ZNF718: variants seen among roughly 807,000 people sequenced by gnomAD.
ZNF718 encodes the protein zinc finger protein 718.
ZNF718 carries 3 observed loss-of-function variants against 2.6 expected under a neutral mutation model. The observed-to-expected ratio is 1.16, with a 90% confidence interval of 0.53 to 3.01. The LOEUF (loss-of-function observed/expected upper bound fraction) is 3.01, where lower values mean the gene tolerates loss of function less well. Ranked by LOEUF, ZNF718 falls within the 30% of genes most tolerant of loss-of-function variation. The probability of loss-of-function intolerance (pLI) is 0.03; values close to 1 mark genes in which losing one functional copy is unlikely to be tolerated. For missense variants in ZNF718, 468 were observed against 230.0 expected (o/e 2.03, Z -6.69); for synonymous variants, 135 against 77.9 (o/e 1.73, Z -3.86).
chr4:130,304 A>C (rs2108779220), intron 1 of ZNF718, among the ~76,000 whole-genome samples: 1 of 103,958 alleles, frequency 9.6e-6, no homozygotes, highest in Admixed American at 1.0e-4. Context: ...TTTGAATACC[A>C]AATAATTTAT....
chr4:192,821 G>A (rs955471335), intron 3 of ZNF718, among the ~76,000 whole-genome samples: 16 of 152,174 alleles, frequency 1.1e-4, no homozygotes, highest in African/African-American at 3.9e-4. Context: ...TAACAAGGGG[G>A]TTAAAGATAC....
At chr4:136,330 A>G in intron 3 of ZNF718, 1 of 518,718 alleles carries the variant, frequency 1.9e-6, no homozygotes, top group Non-Finnish European at 3.9e-6. Context: ...GGACTGCTTC[A>G]GGGAACATAG....
rs1715263460 is a variant in ZNF718, at chr4:127,294, CAA to C, written c.3+2624_3+2625del. On this transcript the variant is annotated intron_variant, in intron 1 of 3. Coordinates refer to ENST00000510175, the MANE Select transcript of ZNF718 (RefSeq NM_001039127.6). ...GCAAGGTGCTCCCCAAATCTGCAAA[CAA>C]AATAGTCTCTCTATTTGGGATCTAC... Among the ~76,000 whole-genome samples the C allele has an allele frequency of 1.9e-5, 2 of 104,476 alleles. 1 individual carries two copies. The highest frequency in any genetic ancestry group is 5.8e-4 in the South Asian group (2 of 3,434). The allele number at this position is 104,476 out of a possible 152,430, so 68.5% of individuals were successfully genotyped here. A position where few individuals can be genotyped will look rare whatever the true frequency, so the allele number is the denominator to read the frequency against.
intron 3 of ZNF718, among the ~76,000 whole-genome samples, chr4:175,153 C>A (rs543568429): frequency 6.6e-6 from 1 of 152,232 alleles, no homozygotes; most frequent in Non-Finnish European, 1.5e-5. Flanking sequence ...GACTCAATTT[C>A]AAGAGGCCAT....
At chr4:165,417 G>T (rs970946705), downstream of ZNF718, among the ~76,000 whole-genome samples, 1 of 152,156 alleles carries the variant, frequency 6.6e-6, no homozygotes, top group African/African-American at 2.4e-5. Flanking sequence ...AATAGGTAAA[G>T]CATCAATATG....
chr4:154,843 C>T (rs903009136), intron 3 of ZNF718, among the ~76,000 whole-genome samples: 2 of 152,210 alleles, frequency 1.3e-5, no homozygotes, highest in African/African-American at 2.4e-5. Context: ...ATCACTAAGA[C>T]ACTGGGAAAA....
intron 3 of ZNF718, among the ~76,000 whole-genome samples, chr4:147,676 C>A (rs1332361106): frequency 1.3e-5 from 2 of 152,150 alleles, no homozygotes; most frequent in African/African-American, 4.8e-5. Flanking sequence ...CCAGCCTGGG[C>A]AACATGGTGA....
intron 3 of ZNF718, chr4:149,921 C>T (rs541469827): frequency 7.9e-5 from 12 of 152,012 alleles, no homozygotes; most frequent in East Asian, 3.9e-4. Flanking sequence ...TTCAATTGTA[C>T]GGTCTAGTGA....
At chr4:151,232 A>G (rs963028949) in intron 3 of ZNF718, among the ~76,000 whole-genome samples, 2 of 151,976 alleles carry the variant, frequency 1.3e-5, no homozygotes, top group Admixed American at 1.3e-4. Context: ...CCTCCCAAGT[A>G]GCTGGGACTA....
intron 3 of ZNF718, among the ~76,000 whole-genome samples, chr4:191,807 G>A (rs1381639460): frequency 6.6e-6 from 1 of 152,150 alleles, no homozygotes; most frequent in Non-Finnish European, 1.5e-5. Context: ...GATGGTGGCA[G>A]GCTGCTCCCA....
At chr4:135,134 A>T (rs11730821) in intron 3 of ZNF718, among the ~76,000 whole-genome samples, 1 of 151,378 alleles carries the variant, frequency 6.6e-6, no homozygotes, top group Admixed American at 6.6e-5. Flanking sequence ...CCCAGCTACT[A>T]GGGAGGCTGA....
chr4:159,732 A>G (rs1376530849), intron 3 of ZNF718, among the ~76,000 whole-genome samples: 1 of 152,130 alleles, frequency 6.6e-6, no homozygotes, highest in Admixed American at 6.5e-5. Flanking sequence ...ATTGAGCATT[A>G]TTCAGGTTAA....
At position 147,901 on chromosome 4, in the gene ZNF718, T is replaced by C. The variant is rs182245689; in HGVS notation, c.227-13011T>C. 1.4e-3 allele frequency among the ~76,000 whole-genome samples: 217 copies of C among 152,044 alleles called. 2 individuals carry two copies. Among genetic ancestry groups the C allele is most frequent in the African/African-American group, 4.8e-3 (200 of 41,492 alleles). On this transcript the variant is annotated intron_variant, in intron 3 of 3. Coordinates refer to ENST00000510175, the MANE Select transcript of ZNF718 (RefSeq NM_001039127.6). ...AAAACCCTCCAATTATATCTGGGGG[T>C]GCTGATACAGTAATGTTATCTGGTG... is the stretch of plus-strand genomic sequence containing the variant.
At chr4:156,521 TA>T (rs1716575073) in intron 3 of ZNF718, among the ~76,000 whole-genome samples, 1 of 152,150 alleles carries the variant, frequency 6.6e-6, no homozygotes, top group African/African-American at 2.4e-5. Context: ...CAATCTTAAA[TA>T]TTTTTAATAC....
intron 3 of ZNF718, among the ~76,000 whole-genome samples, chr4:151,795 G>T (rs541264845): frequency 1.3e-5 from 2 of 151,624 alleles, no homozygotes; most frequent in African/African-American, 4.9e-5. Context: ...AAGGTGGGAC[G>T]AGAGATTTGG....
intron 3 of ZNF718, among the ~76,000 whole-genome samples, chr4:198,660 A>G (rs1424827397): frequency 6.6e-6 from 1 of 152,202 alleles, no homozygotes; most frequent in Admixed American, 6.5e-5. Context: ...AGGTGGCCAT[A>G]TTATTACACT....
At chr4:172,727 C>CT (rs1300841748) in intron 3 of ZNF718, among the ~76,000 whole-genome samples, 3 of 152,040 alleles carry the variant, frequency 2.0e-5, no homozygotes, top group Non-Finnish European at 2.9e-5. Flanking sequence ...ACAACTGATA[C>CT]TTTTTTTTGT....
Position 124,507 on chromosome 4 carries a change from T to G in ZNF718, c.-164T>G. The G allele has an allele frequency of 5.1e-6, 5 of 972,582 alleles. No individual in the cohort carries two copies. The highest frequency in any genetic ancestry group is 8.0e-6 in the Non-Finnish European group (5 of 628,840). The allele number at this position is 972,582 out of a possible 1,614,324, so 60.2% of individuals were successfully genotyped here. On this transcript the variant is annotated 5_prime_UTR_variant, in exon 1 of 4. Transcript: ENST00000510175. ...GGCATCCGGGATCTGGCGCGGCTTT[T>G]GCTTGTAGCTCCAGCCAGAGCTCGG...
Position 136,459 on chromosome 4 carries a change from C to G in ZNF718, c.226+4954C>G, listed in dbSNP as rs782107219. Reference sequence around the variant, plus strand: ...GCTGAGAGGAGTTTGAGACAGGTTGCAGAACTGCTTCAGCATCCTTAGTAA... The same window carrying G: ...GCTGAGAGGAGTTTGAGACAGGTTGGAGAACTGCTTCAGCATCCTTAGTAA... On this transcript the variant is annotated intron_variant, in intron 3 of 3. Transcript: ENST00000510175. 7.7e-6 allele frequency: 4 copies of G among 522,848 alleles called. No homozygotes were observed. The African/African-American group carries it at 7.7e-5, about 10-fold the overall frequency. The allele number at this position is 522,848 out of a possible 1,614,324, so 32.4% of individuals were successfully genotyped here.
Sources: allele counts gnomAD v4.1 joint callset (sites outside exome capture counted in the v4.1 genomes callset), GRCh38; gene constraint gnomAD v4.1.1; transcripts MANE v1.5; gene names NCBI Gene and HGNC (gene_info 2026-07-23, HGNC 2026-07-21).